The following KAT6A variants were observed in gnomAD, a reference collection of about 807,000 sequenced individuals.
KAT6A encodes the protein histone acetyltransferase KAT6A.
In KAT6A, 9 loss-of-function variants were observed where a neutral mutation model predicts 198.4. The observed-to-expected ratio is 0.05, with a 90% confidence interval of 0.03 to 0.08. The LOEUF is 0.08. KAT6A is among the 10% of genes least tolerant of loss of function. The probability of loss-of-function intolerance (pLI) is 1.00; values close to 1 mark genes in which losing one functional copy is unlikely to be tolerated. For missense variants in KAT6A, 2,077 were observed against 2,509.9 expected (o/e 0.83, Z 3.69); for synonymous variants, 890 against 883.0 (o/e 1.01, Z -0.14).
chr8:42,013,248 TTTTC>T (rs780426401), intron 2 of KAT6A, among the ~76,000 whole-genome samples: 38 of 128,040 alleles, frequency 3.0e-4, no homozygotes, highest in Middle Eastern at 4.0e-3. Context: ...GCTCTGTCAT[TTTTC>T]TTTCTTTCTT....
At chr8:42,003,306 CT>C (rs1476767740) in intron 2 of KAT6A, among the ~76,000 whole-genome samples, 1 of 152,040 alleles carries the variant, frequency 6.6e-6, no homozygotes, top group Non-Finnish European at 1.5e-5. Flanking sequence ...GGCAAGACAT[CT>C]TTTTGAGAGA....
chr8:41,999,841 T>C (rs186002238), intron 2 of KAT6A, among the ~76,000 whole-genome samples: 127 of 152,340 alleles, frequency 8.3e-4, no homozygotes, highest in Non-Finnish European at 1.2e-4. Flanking sequence ...TACTTAAGTG[T>C]TGAAAAGTAC....
chr8:41,995,262 T>A (rs953479256), intron 2 of KAT6A, among the ~76,000 whole-genome samples: 1 of 152,176 alleles, frequency 6.6e-6, no homozygotes, highest in Non-Finnish European at 1.5e-5. Context: ...AATGCTCTAT[T>A]GTTTACAAAG....
At chr8:42,010,979 C>A (rs1248541418) in intron 2 of KAT6A, among the ~76,000 whole-genome samples, 1 of 152,130 alleles carries the variant, frequency 6.6e-6, no homozygotes, top group Admixed American at 6.6e-5. Flanking sequence ...GTAATCAATT[C>A]AAAGAGAGAG....
chr8:42,008,390 T>A (rs1056675650), intron 2 of KAT6A, among the ~76,000 whole-genome samples: 26 of 152,124 alleles, frequency 1.7e-4, no homozygotes, highest in African/African-American at 5.6e-4. Flanking sequence ...CAGGCTGGAG[T>A]GCAGTGGCAC....
In KAT6A at chr8:41,934,182, A is replaced by G. The variant is rs766316527; in HGVS notation, c.4038T>C (p.Gly1346=). 3.7e-6 allele frequency: 6 copies of G among 1,613,830 alleles called. No individual in the cohort carries two copies. Among genetic ancestry groups the G allele is most frequent in the Non-Finnish European group, 5.1e-6 (6 of 1,179,976 alleles). Residue 1346 remains glycine, a synonymous_variant, in exon 17 of 17, where the codon GGT becomes GGC. Transcript: ENST00000265713. The part of the protein sequence containing the change: ...PTREDVKEEP[G]VQESFLDANM... ...TAGCATCTAAAAAAGACTCTTGAACACCAGGCTCCTCCTTGACATCTTCCC... is the reference window on the plus strand; with the variant it reads ...TAGCATCTAAAAAAGACTCTTGAACGCCAGGCTCCTCCTTGACATCTTCCC...
chr8:41,979,686 G>A lies in KAT6A; in HGVS notation c.908-909C>T, dbSNP rs1380990638. ...TCTTTAGTATTTATAAATTGAAGACGTTTCAAAAAGTAACAATCAGTAAGT... is the reference window on the plus strand; with the variant it reads ...TCTTTAGTATTTATAAATTGAAGACATTTCAAAAAGTAACAATCAGTAAGT... On this transcript the variant is annotated intron_variant, in intron 5 of 16. Transcript: ENST00000265713. 3.3e-5 allele frequency among the ~76,000 whole-genome samples: 5 copies of A among 151,748 alleles called. No homozygotes were observed. The East Asian group carries it at 5.8e-4, about 18-fold the overall frequency.
intron 12 of KAT6A, among the ~76,000 whole-genome samples, chr8:41,946,022 T>A (rs1167498372): frequency 6.8e-6 from 1 of 146,506 alleles, no homozygotes; most frequent in Non-Finnish European, 1.5e-5. Flanking sequence ...AGAGCGAGAC[T>A]CTGTCTCTCA....
At chr8:41,942,474 T>G in intron 14 of KAT6A, 1 of 337,810 alleles carries the variant, frequency 3.0e-6, no homozygotes, top group Non-Finnish European at 5.5e-6. Context: ...ACTGTCAGAT[T>G]TGGATTCAAT....
In KAT6A at chr8:41,932,176, T is replaced by A. The variant is rs775180392; in HGVS notation, c.*29A>T. 3 of 1,507,272 alleles carry A rather than the reference T, an allele frequency of 2.0e-6. No homozygotes were observed. Among genetic ancestry groups the A allele is most frequent in the South Asian group, 1.4e-5 (1 of 69,360 alleles). 93.4% of individuals were successfully genotyped at this position (1,507,272 alleles called of 1,614,324 possible). ...AAAAGGTTCCTTTATTTATATATAT[T>A]TAAGTTTTTGATTGCAAGTTCATCT... On this transcript the variant is annotated 3_prime_UTR_variant, in exon 17 of 17. Coordinates refer to ENST00000265713, the MANE Select transcript of KAT6A (RefSeq NM_006766.5).
rs749103312 is a variant in KAT6A, at chr8:41,934,811, G to C, written c.3409C>G (p.Pro1137Ala). 6.2e-7 allele frequency: 1 copy of C among 1,613,576 alleles called. No homozygotes were observed. Among genetic ancestry groups the C allele is most frequent in the Non-Finnish European group, 8.5e-7 (1 of 1,179,962 alleles). ...LLRKRDVKNS[P>A]LEPDTSTPLK... ...GGTGTGGATGTATCTGGCTCAAGAG[G>C]AGAATTCTTCACATCACGTTTTCGC... Residue 1137 changes from proline (P) to alanine (A), a missense_variant, in exon 17 of 17, where the codon CCT becomes GCT. This residue lies in a region of KAT6A where 375 missense variants were observed against 383.0 expected (regional missense o/e 0.98). Coordinates refer to ENST00000265713, the MANE Select transcript of KAT6A (RefSeq NM_006766.5).
intron 2 of KAT6A, among the ~76,000 whole-genome samples, chr8:42,029,348 T>C (rs1275485256): frequency 6.6e-6 from 1 of 152,216 alleles, no homozygotes; most frequent in Admixed American, 6.5e-5. Context: ...TTTTCAGTTA[T>C]TATTTCAGTA....
chr8:42,020,839 A>G (rs1826493998), intron 2 of KAT6A, among the ~76,000 whole-genome samples: 1 of 152,178 alleles, frequency 6.6e-6, no homozygotes, highest in South Asian at 2.1e-4. Flanking sequence ...GCTTAATTAC[A>G]TTACAGTCAC....
rs1167844356 is a variant in KAT6A, at chr8:41,977,106, T to A, written c.1265A>T (p.Asp422Val). ...GLTKFFTPSP[D>V]GRKARGEVVD... ...CACTTCCCCCCGAGCTTTCCGCCCA[T>A]CAGGGGAAGGGGTAAAAAATTTGGT... is the stretch of plus-strand genomic sequence containing the variant. Residue 422 changes from aspartate (D) to valine (V), a missense_variant, in exon 7 of 17, where the codon GAT (aspartate) becomes GTT (valine). Asp to Val is a radical substitution (Grantham distance 152). Transcript: ENST00000265713. 5.0e-6 allele frequency: 8 copies of A among 1,614,148 alleles called. No individual in the cohort carries two copies. Among genetic ancestry groups the A allele is most frequent in the African/African-American group, 4.0e-5 (3 of 75,024 alleles).
At chr8:41,988,098 TTA>T (rs1447762789) in intron 2 of KAT6A, among the ~76,000 whole-genome samples, 32 of 152,208 alleles carry the variant, frequency 2.1e-4, no homozygotes, top group African/African-American at 7.7e-4. Flanking sequence ...AGCATCAGTA[TTA>T]TGTTTTGGGA....
chr8:41,935,877 C>T (rs1328468234), intron 16 of KAT6A, among the ~76,000 whole-genome samples: 4 of 152,186 alleles, frequency 2.6e-5, no homozygotes, highest in Non-Finnish European at 5.9e-5. Context: ...TTTTTAGTTT[C>T]CTAGTTATGT....
At chr8:41,953,299 T>C (rs918863337) in intron 9 of KAT6A, among the ~76,000 whole-genome samples, 1 of 152,210 alleles carries the variant, frequency 6.6e-6, no homozygotes, top group African/African-American at 2.4e-5. Flanking sequence ...ACAAGGGGCC[T>C]GTGGTTTCCA....
intron 2 of KAT6A, among the ~76,000 whole-genome samples, chr8:42,042,247 A>G (rs1827704244): frequency 6.6e-6 from 1 of 152,046 alleles, no homozygotes. Flanking sequence ...TCATGAGGTC[A>G]GGAGTTCGAG....
At chr8:41,934,931 C>A (rs536757826) in intron 16 of KAT6A, 64 bp from the exon 17 acceptor site, 1 of 1,233,452 alleles carries the variant, frequency 8.1e-7, no homozygotes, top group African/African-American at 1.5e-5. Flanking sequence ...GTTCCTTCTT[C>A]CAAGACTAGC....
Sources: allele counts gnomAD v4.1 joint callset (sites outside exome capture counted in the v4.1 genomes callset), GRCh38; gene constraint gnomAD v4.1.1; regional missense constraint gnomAD v4.1.1; transcripts MANE v1.5; gene names NCBI Gene and HGNC (gene_info 2026-07-23, HGNC 2026-07-21).